Variants in IGFN1 observed in about 807,000 individuals in gnomAD.
The protein encoded by IGFN1 is immunoglobulin-like and fibronectin type III domain-containing protein 1.
A neutral mutation model predicts 289.5 loss-of-function variants in IGFN1; 253 were observed. The observed-to-expected ratio is 0.87, with a 90% CI of 0.79 to 0.97. The LOEUF is 0.97. Ranked by LOEUF, IGFN1 falls within the 50% of genes least tolerant of loss-of-function variation. The pLI is 0.00. For missense variants in IGFN1, 4,470 were observed against 4,686.1 expected (o/e 0.95, Z 1.35); for synonymous variants, 1,706 against 1,788.5 (o/e 0.95, Z 1.16).
Position 201,213,049 on chromosome 1 carries a change from C to A in IGFN1, c.8156C>A (p.Thr2719Asn). 1 of 1,551,632 alleles carries A rather than the reference C, an allele frequency of 6.4e-7. No homozygotes were observed. Among genetic ancestry groups the A allele is most frequent in the Non-Finnish European group, 8.7e-7 (1 of 1,146,956 alleles). Residue 2719 changes from threonine to asparagine, a missense_variant, in exon 12 of 24, where the codon ACT becomes AAT. By Grantham distance (65) the Thr-to-Asn change is moderately conservative. Around this residue, in one of 8 missense-constraint regions of IGFN1, gnomAD observed 2,218 missense variants for 2,114.1 expected, o/e 1.05. Transcript: ENST00000335211. ...GGTATCCTGGGCAAGGGGAATTCTACTGAGTGGGGGAATGCCCTCACCCCA... is the reference window on the plus strand; with the variant it reads ...GGTATCCTGGGCAAGGGGAATTCTAATGAGTGGGGGAATGCCCTCACCCCA... ...DSGILGKGNS[T>N]EWGNALTPKP...
rs1045372294 is a variant in IGFN1, at chr1:201,211,571, A to G, written c.6678A>G (p.Ser2226=). 65 of 1,534,394 alleles carry G rather than the reference A, an allele frequency of 4.2e-5. No homozygotes were observed. Among genetic ancestry groups the G allele is most frequent in the Non-Finnish European group, 5.3e-5 (61 of 1,145,842 alleles). Residue 2226 remains serine, a synonymous_variant, in exon 12 of 24, where the codon TCA becomes TCG. Transcript: ENST00000335211. ...TGGGGGCTCCTAAGGGAATGGGTTCAGGGAGTAAGGCAGGTTTCAGGGATG... is the reference window on the plus strand; with the variant it reads ...TGGGGGCTCCTAAGGGAATGGGTTCGGGGAGTAAGGCAGGTTTCAGGGATG... The part of the protein sequence containing the change: ...KDLGAPKGMG[S]GSKAGFRDGL...
Position 201,213,073 on chromosome 1 carries a change from C to G in IGFN1, c.8180C>G (p.Pro2727Arg). 6.4e-7 allele frequency: 1 copy of G among 1,551,646 alleles called. No individual in the cohort carries two copies. Among genetic ancestry groups the G allele is most frequent in the Non-Finnish European group, 8.7e-7 (1 of 1,146,956 alleles). Residue 2727 changes from proline (P) to arginine (R), a missense_variant, in exon 12 of 24, where the codon CCA becomes CGA. This residue lies in a region of IGFN1 where 2,218 missense variants were observed against 2,114.1 expected (regional missense o/e 1.05). Transcript: ENST00000335211. ...NSTEWGNALT[P>R]KPGESGPQGA... ...ACTGAGTGGGGGAATGCCCTCACCC[C>G]AAAACCTGGGGAGTCCGGACCTCAG...
chr1:201,194,390 C>A, intron 3 of IGFN1, 117 bp downstream of exon 3: 1 of 1,106,970 alleles, frequency 9.0e-7, no homozygotes, highest in Non-Finnish European at 1.3e-6. Context: ...CATCACTAGG[C>A]CATAGCCCAT....
At chr1:201,214,755 G>C (rs1653092899) in intron 13 of IGFN1, among the ~76,000 whole-genome samples, 1 of 152,226 alleles carries the variant, frequency 6.6e-6, no homozygotes, top group African/African-American at 2.4e-5. Flanking sequence ...GCCACTACCA[G>C]TTATAAGACT....
Position 201,193,252 on chromosome 1 carries a change from T to G in IGFN1, c.-42T>G. 6.8e-7 allele frequency: 1 copy of G among 1,467,924 alleles called. No homozygotes were observed. The highest frequency in any genetic ancestry group is 2.0e-5 in the Admixed American group (1 of 50,824). 90.9% of individuals were successfully genotyped at this position (1,467,924 alleles called of 1,614,324 possible). A position where few individuals can be genotyped will look rare whatever the true frequency, so the allele number is the denominator to read the frequency against. On this transcript the variant is annotated 5_prime_UTR_variant, in exon 2 of 24. Transcript: ENST00000335211. Reference sequence around the variant, plus strand: ...AATTCCATTTCTGTTCTCAGGGTAATAGAACTTCTACCCTCAGAGGAGTCA... The same window carrying G: ...AATTCCATTTCTGTTCTCAGGGTAAGAGAACTTCTACCCTCAGAGGAGTCA...
chr1:201,218,467 C>T (rs546877733), intron 17 of IGFN1, 63 bp from the exon 18 acceptor site: 2 of 1,553,742 alleles, frequency 1.3e-6, no homozygotes, highest in African/African-American at 1.4e-5. Context: ...TTGGAGGCAC[C>T]CAAGCTATCT....
chr1:201,211,849 A>C lies in IGFN1; in HGVS notation c.6956A>C (p.Glu2319Ala). The change falls in exon 12 of 24, where the codon GAG becomes GCG. Residue 2319 changes from glutamate to alanine, a missense_variant. Glu to Ala is a moderately radical substitution (Grantham distance 107). Transcript: ENST00000335211. ...EDSGYILSWN[E>A]AGSRQGFGGT... Reference sequence around the variant, plus strand: ...TCTGGGTACATTTTGTCATGGAATGAGGCAGGTTCTAGGCAAGGCTTTGGG... The same window carrying C: ...TCTGGGTACATTTTGTCATGGAATGCGGCAGGTTCTAGGCAAGGCTTTGGG... 6.5e-7 allele frequency: 1 copy of C among 1,536,134 alleles called. No individual in the cohort carries two copies. The highest frequency in any genetic ancestry group is 8.7e-7 in the Non-Finnish European group (1 of 1,146,326).
At chr1:201,192,984 G>A (rs1163267103) in intron 1 of IGFN1, among the ~76,000 whole-genome samples, 4 of 152,188 alleles carry the variant, frequency 2.6e-5, no homozygotes, top group Non-Finnish European at 4.4e-5. Context: ...CAGTGTGCAG[G>A]CTCAGCTTAT....
At chr1:201,202,181 T>C (rs1308754505) in intron 9 of IGFN1, among the ~76,000 whole-genome samples, 1 of 152,184 alleles carries the variant, frequency 6.6e-6, no homozygotes, top group Non-Finnish European at 1.5e-5. Flanking sequence ...CATCCCTACC[T>C]GGGCTCTAGG....
rs1316867009 is a variant in IGFN1 at position 201,212,589 on chromosome 1, G to A, written c.7696G>A (p.Val2566Ile). The A allele has an allele frequency of 5.8e-6, 9 of 1,549,120 alleles. No individual in the cohort carries two copies. The highest frequency in any genetic ancestry group is 1.2e-5 in the South Asian group (1 of 83,720). ...AGPGMTDRGR[V>I]AGQGGLASQG... Reference sequence around the variant, plus strand: ...CCCAGGAATGACAGACAGGGGTAGAGTTGCTGGCCAGGGGGGGTTGGCATC... The same window carrying A: ...CCCAGGAATGACAGACAGGGGTAGAATTGCTGGCCAGGGGGGGTTGGCATC... The change falls in exon 12 of 24, where the codon GTT becomes ATT. Residue 2566 changes from valine (V) to isoleucine (I), a missense_variant. This residue lies in a region of IGFN1 where 2,218 missense variants were observed against 2,114.1 expected (regional missense o/e 1.05). Transcript: ENST00000335211.
Position 201,215,835 on chromosome 1 carries a change from A to T in IGFN1, c.9292A>T (p.Ile3098Leu). 3 of 1,601,856 alleles carry T rather than the reference A, an allele frequency of 1.9e-6. No individual in the cohort carries two copies. Among genetic ancestry groups the T allele is most frequent in the Non-Finnish European group, 2.6e-6 (3 of 1,173,974 alleles). The change falls in exon 15 of 24, where the codon ATA becomes TTA. Residue 3098 changes from isoleucine to leucine, a missense_variant. This residue lies in a region of IGFN1 where 2,218 missense variants were observed against 2,114.1 expected (regional missense o/e 1.05). Transcript: ENST00000335211. ...SVQAELTLQVIDKPDPPQGPM... is the reference protein window; with the variant it reads ...SVQAELTLQVLDKPDPPQGPM... ...GCAGGCCGAGCTCACTCTGCAAGTC[A>T]TAGGTACCAGCCCTGTCTTCCCCCA...
In IGFN1 at chr1:201,228,742, G is replaced by A. The variant is rs577790877; in HGVS notation, c.*343G>A. The A allele has an allele frequency of 6.1e-6, 2 of 329,766 alleles. No homozygotes were observed. Among genetic ancestry groups the A allele is most frequent in the East Asian group, 1.4e-4 (2 of 14,342 alleles). The allele number at this position is 329,766 out of a possible 1,614,324, so 20.4% of individuals were successfully genotyped here. ...CCGGCTCCTTATTTTCCTGGGCTGA[G>A]CCGTTTGGAGGGAGGGTGGGCACAG... On this transcript the variant is annotated 3_prime_UTR_variant, in exon 24 of 24. Coordinates refer to ENST00000335211, the MANE Select transcript of IGFN1 (RefSeq NM_001164586.2).
In IGFN1 at chr1:201,209,399, T is replaced by C. The variant is rs1267692734; in HGVS notation, c.4506T>C (p.Ser1502=). The change falls in exon 12 of 24, where the codon TCT becomes TCC. Residue 1502 remains serine (S), a synonymous_variant. Coordinates refer to ENST00000335211, the MANE Select transcript of IGFN1 (RefSeq NM_001164586.2). ...EAGYRKDLGV[S]EGGGSGSKAG... is the part of the protein sequence containing the mutation. Reference sequence around the variant, plus strand: ...GCTATAGGAAAGATTTGGGGGTTTCTGAGGGAGGGGGTTCAGGGAGCAAAG... The same window carrying C: ...GCTATAGGAAAGATTTGGGGGTTTCCGAGGGAGGGGGTTCAGGGAGCAAAG... 1 of 1,519,388 alleles carries C rather than the reference T, an allele frequency of 6.6e-7. No individual in the cohort carries two copies. Among genetic ancestry groups the C allele is most frequent in the Non-Finnish European group, 8.8e-7 (1 of 1,139,428 alleles). 94.1% of individuals were successfully genotyped at this position (1,519,388 alleles called of 1,614,324 possible).
intron 15 of IGFN1, 70 bp from the exon 16 acceptor site, chr1:201,216,384 G>C (rs1215948946): frequency 3.1e-6 from 4 of 1,286,068 alleles, no homozygotes; most frequent in Non-Finnish European, 3.1e-6. Flanking sequence ...GGGGAGTTGG[G>C]GGGGTTGGCG....
At chr1:201,222,936 G>C in intron 20 of IGFN1, 109 bp downstream of exon 20, 2 of 635,926 alleles carry the variant, frequency 3.1e-6, no homozygotes, top group Non-Finnish European at 5.4e-6. Flanking sequence ...CCCCTAGTCA[G>C]TGCTTGTGGA....
intron 13 of IGFN1, among the ~76,000 whole-genome samples, chr1:201,214,622 GGGGGCCCTC>G (rs1282805719): frequency 1.3e-5 from 2 of 152,050 alleles, no homozygotes; most frequent in Non-Finnish European, 2.9e-5. Flanking sequence ...CCAACCAGAA[GGGGGCCCTC>G]GTCTCCCTGC....
In IGFN1 at chr1:201,201,715, G is replaced by A. The variant is rs1045576403; in HGVS notation, c.634-4G>A. 1.3e-5 allele frequency: 19 copies of A among 1,488,602 alleles called. No homozygotes were observed. Among genetic ancestry groups the A allele is most frequent in the Non-Finnish European group, 1.6e-5 (17 of 1,089,228 alleles). 92.2% of individuals were successfully genotyped at this position (1,488,602 alleles called of 1,614,324 possible). A position where few individuals can be genotyped will look rare whatever the true frequency, so the allele number is the denominator to read the frequency against. On this transcript the variant is annotated splice_polypyrimidine_tract_variant and splice_region_variant and intron_variant, in intron 8 of 23. Transcript: ENST00000335211. Reference sequence around the variant, plus strand: ...CTCCTGCTGGGTGTTTGTCTGCTTTGTAGTACATCAACACCATCTCCAGCT... The same window carrying A: ...CTCCTGCTGGGTGTTTGTCTGCTTTATAGTACATCAACACCATCTCCAGCT...
At chr1:201,222,692 C>A (rs1558159933) in intron 19 of IGFN1, 47 bp from the exon 20 acceptor site, 1 of 1,437,126 alleles carries the variant, frequency 7.0e-7, no homozygotes, top group East Asian at 2.3e-5. Flanking sequence ...GGCTGGGGTC[C>A]AACTGTGAGG....
intron 8 of IGFN1, 144 bp from the exon 9 acceptor site, chr1:201,201,575 C>T: frequency 3.5e-6 from 2 of 569,240 alleles, no homozygotes; most frequent in Non-Finnish European, 6.3e-6. Flanking sequence ...GAGGGGCTTA[C>T]TTTCCCCCAC....
Sources: allele counts gnomAD v4.1 joint callset (sites outside exome capture counted in the v4.1 genomes callset), GRCh38; gene constraint gnomAD v4.1.1; regional missense constraint gnomAD v4.1.1; transcripts MANE v1.5; gene names NCBI Gene and HGNC (gene_info 2026-07-23, HGNC 2026-07-21).